The following KLHL1 variants were observed in gnomAD, a reference collection of about 807,000 sequenced individuals.
The protein encoded by KLHL1 is kelch-like protein 1.
Under a neutral mutation model 77.7 loss-of-function variants are expected in KLHL1, and 47 were observed. The ratio of observed to expected loss-of-function variants is 0.60; its 90% CI spans 0.48 to 0.77. The LOEUF is 0.77. Among genes scored for constraint, KLHL1 ranks in the 30% least tolerant of loss-of-function variants. The pLI is 0.00. For synonymous variants in KLHL1, 360 were observed against 325.2 expected (o/e 1.11, Z -1.15); for missense variants, 925 against 910.8 (o/e 1.02, Z -0.20).
intron 2 of KLHL1, among the ~76,000 whole-genome samples, chr13:69,972,596 T>A (rs960494376): frequency 2.6e-5 from 4 of 151,906 alleles, no homozygotes; most frequent in Admixed American, 6.6e-5. Context: ...TAAGATTTGT[T>A]AAGTTTTTGG....
At chr13:69,970,594 T>C (rs1481397125) in intron 2 of KLHL1, among the ~76,000 whole-genome samples, 1 of 152,106 alleles carries the variant, frequency 6.6e-6, no homozygotes, top group African/African-American at 2.4e-5. Context: ...GTGTTCCTGC[T>C]TCTCACACTT....
chr13:69,813,461 C>G (rs1877980532), intron 6 of KLHL1, among the ~76,000 whole-genome samples: 1 of 144,214 alleles, frequency 6.9e-6, no homozygotes, highest in South Asian at 2.2e-4. Flanking sequence ...TAAAAAAATA[C>G]ACACATATAT....
chr13:69,874,441 C>A (rs551160459), intron 5 of KLHL1, among the ~76,000 whole-genome samples: 21 of 152,226 alleles, frequency 1.4e-4, no homozygotes, highest in African/African-American at 5.1e-4. Context: ...TCAATATCTC[C>A]ACTTAAAATA....
intron 5 of KLHL1, among the ~76,000 whole-genome samples, chr13:69,880,382 G>A (rs1179620580): frequency 6.6e-6 from 1 of 152,032 alleles, no homozygotes; most frequent in Non-Finnish European, 1.5e-5. Flanking sequence ...CACATCTGTT[G>A]TGAAGGTACA....
Position 70,052,012 on chromosome 13 carries a change from G to A in KLHL1, c.497+55191C>T, listed in dbSNP as rs534674142. On this transcript the variant is annotated intron_variant, in intron 1 of 10. Transcript: ENST00000377844. ...TAAAGTATTTCTTATTCTTAAATAC[G>A]AGAAATATTTTAGTATTTCAGAAAC... Among the ~76,000 whole-genome samples the A allele has an allele frequency of 2.1e-4, 32 of 150,038 alleles. No individual in the cohort carries two copies. In the South Asian group the frequency reaches 3.4e-3, roughly 16 times the overall value.
intron 1 of KLHL1, among the ~76,000 whole-genome samples, chr13:69,991,863 T>C (rs1885037369): frequency 1.3e-5 from 2 of 152,026 alleles, no homozygotes; most frequent in African/African-American, 4.8e-5. Context: ...ATATAAAGCA[T>C]AAGGGCATTT....
chr13:69,765,436 T>C (rs978032266), intron 7 of KLHL1, among the ~76,000 whole-genome samples: 2 of 152,204 alleles, frequency 1.3e-5, no homozygotes, highest in African/African-American at 4.8e-5. Flanking sequence ...AAGAACATAC[T>C]AATTTCAGGT....
At chr13:70,001,754 T>C (rs578097352) in intron 1 of KLHL1, among the ~76,000 whole-genome samples, 36 of 151,658 alleles carry the variant, frequency 2.4e-4, no homozygotes, top group Non-Finnish European at 4.3e-4. Context: ...TTAATATCCA[T>C]ATAATAAAAC....
At chr13:69,752,441 T>G (rs1874527710) in intron 7 of KLHL1, among the ~76,000 whole-genome samples, 1 of 152,148 alleles carries the variant, frequency 6.6e-6, no homozygotes. Context: ...TTAATTATAT[T>G]AATATGTATC....
rs1384027546 is a variant in KLHL1, at chr13:69,878,709, T to TAG, written c.1227+3573_1227+3574insCT. Among the ~76,000 whole-genome samples the TAG allele has an allele frequency of 2.4e-3, 365 of 149,764 alleles. 2 individuals are homozygous for TAG. Among genetic ancestry groups the TAG allele is most frequent in the African/African-American group, 7.0e-3 (281 of 40,172 alleles). On this transcript the variant is annotated intron_variant, in intron 5 of 10. Coordinates refer to ENST00000377844, the MANE Select transcript of KLHL1 (RefSeq NM_020866.3). The stretch of plus-strand genomic sequence containing the variant: ...ATATGTGTGTATGCATATATATATA[T>TAG]ATAGAGAGAGAGAGAGAGAGAGAGA...
intron 1 of KLHL1, among the ~76,000 whole-genome samples, chr13:69,997,329 T>C (rs1885181189): frequency 6.6e-6 from 1 of 151,898 alleles, no homozygotes; most frequent in Non-Finnish European, 1.5e-5. Flanking sequence ...CAAGGTGAAA[T>C]ATGTCTTTCA....
intron 1 of KLHL1, among the ~76,000 whole-genome samples, chr13:69,983,799 A>C (rs1884785916): frequency 6.6e-6 from 1 of 152,026 alleles, no homozygotes; most frequent in African/African-American, 2.4e-5. Flanking sequence ...GCTATACTAC[A>C]ACGCAATATT....
At chr13:69,793,813 C>G (rs1200570326) in intron 7 of KLHL1, among the ~76,000 whole-genome samples, 1 of 152,022 alleles carries the variant, frequency 6.6e-6, no homozygotes, top group Non-Finnish European at 1.5e-5. Flanking sequence ...TATTTGAGAG[C>G]CTGACATCAT....
intron 6 of KLHL1, among the ~76,000 whole-genome samples, chr13:69,797,427 T>C (rs1180904160): frequency 1.3e-5 from 2 of 152,212 alleles, no homozygotes; most frequent in African/African-American, 4.8e-5. Context: ...AAATTTGTCA[T>C]ACGCCTTAAA....
At chr13:70,050,681 T>C (rs1294440887) in intron 1 of KLHL1, among the ~76,000 whole-genome samples, 1 of 152,048 alleles carries the variant, frequency 6.6e-6, no homozygotes, top group Non-Finnish European at 1.5e-5. Flanking sequence ...AAACTTCTGC[T>C]TCTGCATTCA....
intron 7 of KLHL1, among the ~76,000 whole-genome samples, chr13:69,746,509 TCTTTGA>T (rs951627985): frequency 1.3e-5 from 2 of 152,072 alleles, no homozygotes; most frequent in African/African-American, 4.8e-5. Context: ...AATGTGCTAA[TCTTTGA>T]CTTTGGTTAT....
At chr13:69,790,149 G>A (rs1876799946) in intron 7 of KLHL1, among the ~76,000 whole-genome samples, 1 of 152,032 alleles carries the variant, frequency 6.6e-6, no homozygotes, top group Admixed American at 6.6e-5. Flanking sequence ...TATCCTTGTT[G>A]TACCCATATA....
At chr13:70,036,560 C>T (rs1156457855) in intron 1 of KLHL1, among the ~76,000 whole-genome samples, 1 of 151,776 alleles carries the variant, frequency 6.6e-6, no homozygotes, top group Non-Finnish European at 1.5e-5. Flanking sequence ...TTCAGTTTTG[C>T]TTATTGTAAC....
rs558977050 is a variant in KLHL1, at chr13:70,108,232, C to T, written c.-533G>A. ...CCCCAAGTCTCGAGGAAGCGTACCC[C>T]TCGCCAGATCTCTTGGTGCACCTGC... On this transcript the variant is annotated 5_prime_UTR_variant, in exon 1 of 11. Transcript: ENST00000377844. 1.4e-3 allele frequency: 563 copies of T among 390,574 alleles called. No individual in the cohort carries two copies. Among genetic ancestry groups the T allele is most frequent in the Non-Finnish European group, 2.1e-3 (472 of 221,764 alleles). 24.2% of individuals were successfully genotyped at this position (390,574 alleles called of 1,614,324 possible).
Sources: gnomAD v4.1 joint callset for allele counts (sites outside exome capture counted in the v4.1 genomes callset) on GRCh38, gnomAD v4.1.1 for gene constraint, MANE v1.5 for transcripts, NCBI Gene and HGNC (gene_info 2026-07-23, HGNC 2026-07-21) for gene names.